Variants in WWOX observed in about 807,000 individuals in gnomAD.
WWOX encodes WW domain containing oxidoreductase, also known as WW domain-containing oxidoreductase.
WWOX carries 69 observed loss-of-function variants against 46.2 expected under a neutral mutation model. The observed-to-expected ratio is 1.49, with a 90% CI of 1.23 to 1.82. The LOEUF is 1.82. Ranked by LOEUF, WWOX falls within the 40% of genes most tolerant of loss-of-function variation. WWOX has a pLI of 0.00. For missense variants in WWOX, 919 were observed against 542.6 expected, an observed-to-expected ratio of 1.69 and a Z score of -6.89; for synonymous variants, 359 against 202.6, an observed-to-expected ratio of 1.77 and a Z score of -6.56.
At chr16:78,823,764 A>G (rs1193359156) in intron 8 of WWOX, among the ~76,000 whole-genome samples, 1 of 146,036 alleles carries the variant, frequency 6.8e-6, no homozygotes, top group African/African-American at 2.5e-5. Context: ...GGCTACCCTG[A>G]GCTTTCTAGA....
intron 8 of WWOX, among the ~76,000 whole-genome samples, chr16:79,021,450 C>A (rs2047531553): frequency 6.6e-6 from 1 of 152,006 alleles, no homozygotes; most frequent in Non-Finnish European, 1.5e-5. Flanking sequence ...ACAGAGGAAA[C>A]CAATCATATT....
intron 8 of WWOX, among the ~76,000 whole-genome samples, chr16:78,951,453 G>A (rs1440274268): frequency 6.7e-6 from 1 of 149,946 alleles, no homozygotes; most frequent in East Asian, 2.0e-4. Flanking sequence ...CCACCTTAGA[G>A]CATGGGAGCG....
chr16:78,443,725 T>C (rs563113735), intron 8 of WWOX, among the ~76,000 whole-genome samples: 5 of 152,366 alleles, frequency 3.3e-5, no homozygotes, highest in African/African-American at 1.2e-4. Context: ...CCTTTTCTTC[T>C]GTGTGCCCGT....
intron 5 of WWOX, among the ~76,000 whole-genome samples, chr16:78,353,434 A>C (rs56365791): frequency 6.6e-6 from 1 of 151,974 alleles, no homozygotes; most frequent in African/African-American, 2.4e-5. Context: ...CACCAAATCT[A>C]TCGATTAATA....
rs937086627 is a variant in WWOX, at chr16:78,343,407, T to C, written c.517-43453T>C. Among the ~76,000 whole-genome samples, 4 of 121,204 alleles carry C rather than the reference T, an allele frequency of 3.3e-5. 1 individual carries two copies. Among genetic ancestry groups the C allele is most frequent in the African/African-American group, 5.6e-5 (2 of 35,708 alleles). The allele number at this position is 121,204 out of a possible 152,430, so 79.5% of individuals were successfully genotyped here. ...CTTCCATTTCCATATTCTCAATCAATCACTGATGGCCAGCTGTCAACAGGC... is the reference window on the plus strand; with the variant it reads ...CTTCCATTTCCATATTCTCAATCAACCACTGATGGCCAGCTGTCAACAGGC... On this transcript the variant is annotated intron_variant, in intron 5 of 8. Transcript: ENST00000566780.
intron 8 of WWOX, among the ~76,000 whole-genome samples, chr16:79,050,272 C>T (rs535173185): frequency 1.3e-5 from 2 of 152,282 alleles, no homozygotes; most frequent in Admixed American, 6.5e-5. Flanking sequence ...TTTGCTCCTG[C>T]ATCTTTGCAT....
intron 8 of WWOX, among the ~76,000 whole-genome samples, chr16:79,147,913 T>G (rs1013260546): frequency 2.0e-5 from 3 of 152,224 alleles, no homozygotes; most frequent in Non-Finnish European, 2.9e-5. Context: ...TTTCTCATTT[T>G]CTATTTGAAT....
At chr16:78,407,663 G>T (rs144948847) in intron 6 of WWOX, among the ~76,000 whole-genome samples, 2 of 152,232 alleles carry the variant, frequency 1.3e-5, no homozygotes, top group African/African-American at 4.8e-5. Flanking sequence ...CAGCATAAAT[G>T]ACTCTTTCTT....
At chr16:78,787,309 T>C (rs2050481979) in intron 8 of WWOX, among the ~76,000 whole-genome samples, 1 of 152,154 alleles carries the variant, frequency 6.6e-6, no homozygotes, top group Non-Finnish European at 1.5e-5. Flanking sequence ...CCATATCCAT[T>C]AAGTGGTCAT....
intron 8 of WWOX, among the ~76,000 whole-genome samples, chr16:78,558,496 C>T (rs539346259): frequency 2.0e-4 from 30 of 152,376 alleles, no homozygotes; most frequent in Non-Finnish European, 2.8e-4. Flanking sequence ...ACTTGAGCAG[C>T]GGCTGCCCCT....
chr16:78,501,596 G>C (rs985885706), intron 8 of WWOX, among the ~76,000 whole-genome samples: 3 of 151,760 alleles, frequency 2.0e-5, no homozygotes, highest in Non-Finnish European at 2.9e-5. Context: ...GAGTGCAGTG[G>C]TGGGATCTTG....
intron 8 of WWOX, among the ~76,000 whole-genome samples, chr16:79,139,804 G>A (rs559669033): frequency 3.4e-4 from 52 of 152,116 alleles, no homozygotes; most frequent in Non-Finnish European, 6.0e-4. Flanking sequence ...AATGTCCCTG[G>A]GCACTTGCCC....
chr16:78,669,199 C>T lies in WWOX; in HGVS notation c.1056+236447C>T, dbSNP rs1013840764. Among the ~76,000 whole-genome samples, 3 of 152,170 alleles carry T rather than the reference C, an allele frequency of 2.0e-5. No homozygotes were observed. The East Asian group carries it at 5.8e-4, about 29-fold the overall frequency. On this transcript the variant is annotated intron_variant, in intron 8 of 8. Transcript: ENST00000566780. ...GACAAAAAACTTCCTTCACACACTC[C>T]CTTGCTAAGAGGAGAAGCCCCAAAG...
At chr16:78,226,866 T>G (rs1345895495) in intron 5 of WWOX, among the ~76,000 whole-genome samples, 1 of 152,200 alleles carries the variant, frequency 6.6e-6, no homozygotes, top group South Asian at 2.1e-4. Context: ...TCCAGATAGA[T>G]TCATAGCGCT....
chr16:78,524,416 ATTTATTTATTTATTTG>A (rs2043414223), intron 8 of WWOX, among the ~76,000 whole-genome samples: 2 of 145,790 alleles, frequency 1.4e-5, no homozygotes, highest in Admixed American at 6.8e-5. Context: ...TTGTTTATTT[ATTTATTTATTTATTTG>A]TTTGTTTGAG....
intron 8 of WWOX, among the ~76,000 whole-genome samples, chr16:78,466,280 C>T (rs1283718855): frequency 2.0e-5 from 3 of 152,040 alleles, no homozygotes; most frequent in African/African-American, 4.8e-5. Flanking sequence ...ATCAGCCTGC[C>T]TTGGCCTCCC....
At chr16:78,760,177 A>T (rs2049756378) in intron 8 of WWOX, among the ~76,000 whole-genome samples, 1 of 152,202 alleles carries the variant, frequency 6.6e-6, no homozygotes, top group Non-Finnish European at 1.5e-5. Context: ...ACGGCAGCAG[A>T]CGAGAGAGAG....
chr16:78,854,426 G>A (rs1333024285), intron 8 of WWOX, among the ~76,000 whole-genome samples: 1 of 152,196 alleles, frequency 6.6e-6, no homozygotes, highest in African/African-American at 2.4e-5. Flanking sequence ...TTCAGGAGAT[G>A]AAGACTGTCC....
intron 8 of WWOX, among the ~76,000 whole-genome samples, chr16:79,015,834 C>G (rs1016299503): frequency 3.9e-5 from 6 of 152,168 alleles, no homozygotes; most frequent in African/African-American, 1.2e-4. Flanking sequence ...TCACTGCAAC[C>G]CCCGCCTCCC....
Sources: allele counts gnomAD v4.1 joint callset (sites outside exome capture counted in the v4.1 genomes callset), GRCh38; gene constraint gnomAD v4.1.1; transcripts MANE v1.5; gene names NCBI Gene and HGNC (gene_info 2026-07-23, HGNC 2026-07-21).